The following CTC1 variants were observed in gnomAD, a reference collection of about 807,000 sequenced individuals.
CTC1 encodes CST telomere replication complex component 1.
In CTC1, 91 loss-of-function variants were observed where a neutral mutation model predicts 136.3. That is an observed-to-expected ratio of 0.67 (90% CI 0.56 to 0.79). CTC1 has a LOEUF of 0.79. CTC1 is among the 30% of genes least tolerant of loss of function. The pLI is 0.00. For missense variants in CTC1, 1,432 were observed against 1,498.1 expected, an observed-to-expected ratio of 0.96 and a Z score of 0.73; for synonymous variants, 606 against 613.8, an observed-to-expected ratio of 0.99 and a Z score of 0.19.
intron 2 of CTC1, among the ~76,000 whole-genome samples, chr17:8,242,506 A>T (rs1384660486): frequency 7.0e-6 from 1 of 143,482 alleles, no homozygotes; most frequent in East Asian, 2.0e-4. Context: ...GTTGCCTAGA[A>T]CACTTTTGGA....
rs1986669057 is a variant in CTC1 at position 8,226,368 on chromosome 17, CCGAGCTTTTTCAGATCTTT to C, written c.*1793_*1811del. 6.6e-6 allele frequency: 1 copy of C among 152,178 alleles called. No individual in the cohort carries two copies. The highest frequency in any genetic ancestry group is 1.9e-4 in the East Asian group (1 of 5,202). 9.4% of individuals were successfully genotyped at this position (152,178 alleles called of 1,614,324 possible). ...AAGAATATAGAGCTAGGAACCCGGA[CCGAGCTTTTTCAGATCTTT>C]CTAGAACTAATTTGGTAACTCAACT... On this transcript the variant is annotated 3_prime_UTR_variant, in exon 23 of 23. Transcript: ENST00000651323.
chr17:8,231,785 G>A lies in CTC1; in HGVS notation c.2416C>T (p.Arg806Cys), dbSNP rs758151645. ...VHLIFFGSSV[R>C]WFEFLHPGQV... ...CCCGGGTGCAAGAACTCAAACCAGC[G>A]GACTGAAGAGCCAAAGAAAATGAGG... is the stretch of plus-strand genomic sequence containing the variant. The change falls in exon 14 of 23, where the codon CGC (arginine) becomes TGC (cysteine). Residue 806 changes from arginine (R) to cysteine (C), a missense_variant. Physicochemically the swap from Arg to Cys is radical, Grantham distance 180 (BLOSUM62 -3). Coordinates refer to ENST00000651323, the MANE Select transcript of CTC1 (RefSeq NM_025099.6). 8.7e-6 allele frequency: 14 copies of A among 1,614,040 alleles called. No individual in the cohort carries two copies. The highest frequency in any genetic ancestry group is 5.3e-5 in the African/African-American group (4 of 74,912).
At chr17:8,233,149 C>T in intron 10 of CTC1, 117 bp from the exon 11 acceptor site, 1 of 1,184,370 alleles carries the variant, frequency 8.4e-7, no homozygotes, top group Non-Finnish European at 1.2e-6. Flanking sequence ...AAAGACACGT[C>T]TCTGGCTTCA....
Position 8,227,129 on chromosome 17 carries a change from T to A in CTC1, c.*1051A>T, listed in dbSNP as rs890826122. 13 of 151,998 alleles carry A rather than the reference T, an allele frequency of 8.6e-5. No homozygotes were observed. The highest frequency in any genetic ancestry group is 3.1e-4 in the African/African-American group (13 of 41,362). 9.4% of individuals were successfully genotyped at this position (151,998 alleles called of 1,614,324 possible). A position where few individuals can be genotyped will look rare whatever the true frequency, so the allele number is the denominator to read the frequency against. ...ATTGCTACCATAAAAGCAGCATAAA[T>A]CCCAACATATGGGTTTAACCACGCT... On this transcript the variant is annotated 3_prime_UTR_variant, in exon 23 of 23. Coordinates refer to ENST00000651323, the MANE Select transcript of CTC1 (RefSeq NM_025099.6).
Position 8,238,190 on chromosome 17 carries a change from C to G in CTC1, c.488G>C (p.Trp163Ser). 6.2e-7 allele frequency: 1 copy of G among 1,613,016 alleles called. No homozygotes were observed. Among genetic ancestry groups the G allele is most frequent in the Non-Finnish European group, 8.5e-7 (1 of 1,179,152 alleles). ...CCACCTGGCAGGAGGGAGGTAACTCCAACGGGGGAACAGAAAAAGATGGCC... is the reference window on the plus strand; with the variant it reads ...CCACCTGGCAGGAGGGAGGTAACTCGAACGGGGGAACAGAAAAAGATGGCC... ...WLGHLFLFPR[W>S]SYLPPARWNS... The change falls in exon 4 of 23, where the codon TGG becomes TCG. Residue 163 changes from tryptophan to serine, a missense_variant. By Grantham distance (177) the Trp-to-Ser change is radical. Transcript: ENST00000651323.
rs1203574273 is a variant in CTC1, at chr17:8,235,881, G to C, written c.1156C>G (p.Gln386Glu). 1.7e-5 allele frequency: 27 copies of C among 1,613,938 alleles called. No individual in the cohort carries two copies. The highest frequency in any genetic ancestry group is 2.2e-5 in the Non-Finnish European group (26 of 1,179,844). Residue 386 changes from glutamine (Q) to glutamate (E), a missense_variant, in exon 7 of 23, where the codon CAG becomes GAG. By Grantham distance (29) the Gln-to-Glu change is conservative. Transcript: ENST00000651323. ...DGQLGLCLAY[Q>E]QFRGLRRVMR... ...ACCCGCCTAAGGCCACGGAACTGCTGGTAGGCAAGGCAGAGCCCCAGCTGC... is the reference window on the plus strand; with the variant it reads ...ACCCGCCTAAGGCCACGGAACTGCTCGTAGGCAAGGCAGAGCCCCAGCTGC...
chr17:8,233,888 G>A (rs1987456625), intron 10 of CTC1, among the ~76,000 whole-genome samples: 1 of 152,230 alleles, frequency 6.6e-6, no homozygotes, highest in Non-Finnish European at 1.5e-5. Context: ...AATGAGCCAT[G>A]ATCGCGCCAA....
intron 2 of CTC1, among the ~76,000 whole-genome samples, 185 bp from the exon 3 acceptor site, chr17:8,238,814 G>T (rs116272586): frequency 6.6e-6 from 1 of 152,196 alleles, no homozygotes; most frequent in African/African-American, 2.4e-5. Context: ...GGATGGGGCC[G>T]GGCGAGTGGC....
intron 2 of CTC1, among the ~76,000 whole-genome samples, chr17:8,241,005 T>A (rs74720364): frequency 0.015 from 2,301 of 151,952 alleles, 20 homozygotes; most frequent in Middle Eastern, 0.051. Context: ...ATATACACTA[T>A]GGGCCGGGCG....
Position 8,226,215 on chromosome 17 carries a change from A to T in CTC1, c.*1965T>A, listed in dbSNP as rs1427315698. On this transcript the variant is annotated 3_prime_UTR_variant, in exon 23 of 23. Coordinates refer to ENST00000651323, the MANE Select transcript of CTC1 (RefSeq NM_025099.6). ...AGGATGTGGATTTAGCCGCAAAATC[A>T]CGCTGTTTCAATTGAATAAAGGCAC... 1.3e-5 allele frequency: 2 copies of T among 152,224 alleles called. No individual in the cohort carries two copies. The highest frequency in any genetic ancestry group is 2.9e-5 in the Non-Finnish European group (2 of 68,042). 9.4% of individuals were successfully genotyped at this position (152,224 alleles called of 1,614,324 possible).
Position 8,226,670 on chromosome 17 carries a change from T to C in CTC1, c.*1510A>G, listed in dbSNP as rs1986710575. On this transcript the variant is annotated 3_prime_UTR_variant, in exon 23 of 23. Coordinates refer to ENST00000651323, the MANE Select transcript of CTC1 (RefSeq NM_025099.6). ...CCCAATGGATTTCTAGTCCATCGCC[T>C]TAACCACTCGGCCACGACTACGAGG... 2 of 152,222 alleles carry C rather than the reference T, an allele frequency of 1.3e-5. No homozygotes were observed. The highest frequency in any genetic ancestry group is 2.1e-4 in the South Asian group (1 of 4,830). The allele number at this position is 152,222 out of a possible 1,614,324, so 9.4% of individuals were successfully genotyped here.
rs1198263015 is a variant in CTC1 at position 8,238,209 on chromosome 17, G to C, written c.469C>G (p.Leu157Val). Residue 157 changes from leucine (L) to valine (V), a missense_variant, in exon 4 of 23, where the codon CTT becomes GTT. By Grantham distance (32) the Leu-to-Val change is conservative. Coordinates refer to ENST00000651323, the MANE Select transcript of CTC1 (RefSeq NM_025099.6). ...IDLDLSWLGHLFLFPRWSYLP... is the reference protein window; with the variant it reads ...IDLDLSWLGHVFLFPRWSYLP... ...TAACTCCAACGGGGGAACAGAAAAA[G>C]ATGGCCCAACCAAGAAAGGTCCAGG... is the stretch of plus-strand genomic sequence containing the variant. The C allele has an allele frequency of 6.2e-7, 1 of 1,611,172 alleles. No individual in the cohort carries two copies. Among genetic ancestry groups the C allele is most frequent in the Non-Finnish European group, 8.5e-7 (1 of 1,177,696 alleles).
rs997398671 is a variant in CTC1, at chr17:8,237,413, A to C, written c.754T>G (p.Ser252Ala). ...KAYFILSLGR[S>A]HPAVTHVSII... ...GACACGTGGGTGACAGCTGGGTGTG[A>C]TCTACCAAGAGACAGGATGAAGTAA... The change falls in exon 5 of 23, where the codon TCA (serine) becomes GCA (alanine). Residue 252 changes from serine to alanine, a missense_variant. Coordinates refer to ENST00000651323, the MANE Select transcript of CTC1 (RefSeq NM_025099.6). 4.3e-6 allele frequency: 7 copies of C among 1,613,980 alleles called. No homozygotes were observed. Among genetic ancestry groups the C allele is most frequent in the African/African-American group, 1.3e-5 (1 of 74,892 alleles).
At position 8,228,274 on chromosome 17, in the gene CTC1, AG is replaced by A. The variant is rs764093659; in HGVS notation, c.3559del (p.Leu1187Ter). 1.9e-6 allele frequency: 3 copies of A among 1,614,182 alleles called. No individual in the cohort carries two copies. The highest frequency in any genetic ancestry group is 2.5e-6 in the Non-Finnish European group (3 of 1,180,020). ...TCGGAGCCTGGGGTTCACGTGAGTC[AG>A]GAAAGGGAGCTCTCCACACTGGAAT... The part of the protein sequence containing the change: ...QRFQCGELPF[L>X]THVNPRLRLS... On this transcript the variant is annotated frameshift_variant, in exon 23 of 23. Coordinates refer to ENST00000651323, the MANE Select transcript of CTC1 (RefSeq NM_025099.6). LOFTEE classifies it low-confidence loss of function (END_TRUNC).
chr17:8,235,929 C>A lies in CTC1; in HGVS notation c.1108G>T (p.Ala370Ser). 2 of 1,612,426 alleles carry A rather than the reference C, an allele frequency of 1.2e-6. No individual in the cohort carries two copies. The highest frequency in any genetic ancestry group is 1.7e-6 in the Non-Finnish European group (2 of 1,178,698). ...TGCCCATCCAGCTCATAGAGGCCAG[C>A]GGGCTCATTCAACACGCCAGTGACT... ...GAVTGVLNEP[A>S]GLYELDGQLG... The change falls in exon 7 of 23, where the codon GCT (alanine) becomes TCT (serine). Residue 370 changes from alanine (A) to serine (S), a missense_variant. By Grantham distance (99) the Ala-to-Ser change is moderately conservative. Transcript: ENST00000651323.
rs189553549 is a variant in CTC1, at chr17:8,226,660, G to C, written c.*1520C>G. 2 of 152,210 alleles carry C rather than the reference G, an allele frequency of 1.3e-5. No homozygotes were observed. Among genetic ancestry groups the C allele is most frequent in the Non-Finnish European group, 2.9e-5 (2 of 68,050 alleles). 9.4% of individuals were successfully genotyped at this position (152,210 alleles called of 1,614,324 possible). A position where few individuals can be genotyped will look rare whatever the true frequency, so the allele number is the denominator to read the frequency against. The stretch of plus-strand genomic sequence containing the variant: ...GCGGGGAGACCCCAATGGATTTCTA[G>C]TCCATCGCCTTAACCACTCGGCCAC... On this transcript the variant is annotated 3_prime_UTR_variant, in exon 23 of 23. Coordinates refer to ENST00000651323, the MANE Select transcript of CTC1 (RefSeq NM_025099.6).
chr17:8,246,713 C>T (rs989651890), intron 1 of CTC1, among the ~76,000 whole-genome samples: 5 of 151,738 alleles, frequency 3.3e-5, no homozygotes, highest in African/African-American at 1.2e-4. Context: ...GGTGAAACAC[C>T]GTCTGTACTT....
rs1458053977 is a variant in CTC1, at chr17:8,230,458, C to A, written c.2769G>T (p.Gly923=). 1 of 1,613,644 alleles carries A rather than the reference C, an allele frequency of 6.2e-7. No homozygotes were observed. The highest frequency in any genetic ancestry group is 1.1e-5 in the South Asian group (1 of 91,048). The stretch of plus-strand genomic sequence containing the variant: ...TTAGCTTCACACACCTTCTCATGGC[C>A]CCCGTGTTCCCTATAGAAGGAAGGT... ...ASLWMKLGNT[G]AMRRCVKLTV... The change falls in exon 17 of 23, where the codon GGG becomes GGT. Residue 923 remains glycine (G), a synonymous_variant. Coordinates refer to ENST00000651323, the MANE Select transcript of CTC1 (RefSeq NM_025099.6).
In CTC1 at chr17:8,234,976, T is replaced by A. The variant is rs1462682945; in HGVS notation, c.1440-50A>T. The A allele has an allele frequency of 2.5e-6, 4 of 1,597,854 alleles. No homozygotes were observed. In the Admixed American group the frequency reaches 5.1e-5, roughly 20 times the overall value. On this transcript the variant is annotated intron_variant, in intron 8 of 22. Coordinates refer to ENST00000651323, the MANE Select transcript of CTC1 (RefSeq NM_025099.6). Reference sequence around the variant, plus strand: ...CACTTCCCCTGAAGAGCCTGCCTCTTCAAGAATCCTGCTCTCCTTGCCAAG... The same window carrying A: ...CACTTCCCCTGAAGAGCCTGCCTCTACAAGAATCCTGCTCTCCTTGCCAAG...
Sources: allele counts gnomAD v4.1 joint callset (sites outside exome capture counted in the v4.1 genomes callset), GRCh38; gene constraint gnomAD v4.1.1; transcripts MANE v1.5; gene names NCBI Gene and HGNC (gene_info 2026-07-23, HGNC 2026-07-21).